KCNIP4: variants seen among roughly 807,000 people sequenced by gnomAD.
KCNIP4 encodes the protein Kv channel-interacting protein 4.
KCNIP4 carries 12 observed loss-of-function variants against 34.0 expected under a neutral mutation model. The observed-to-expected ratio is 0.35, with a 90% confidence interval of 0.23 to 0.57. The LOEUF is 0.57. Among genes scored for constraint, KCNIP4 ranks in the 20% least tolerant of loss-of-function variants. The pLI, the probability that KCNIP4 is intolerant of heterozygous loss-of-function variation, is 0.83. For missense variants in KCNIP4, 238 were observed against 311.7 expected (o/e 0.76, Z 1.78); for synonymous variants, 124 against 102.2 (o/e 1.21, Z -1.29).
intron 1 of KCNIP4, among the ~76,000 whole-genome samples, chr4:21,098,210 T>A (rs970064504): frequency 6.6e-6 from 1 of 152,160 alleles, no homozygotes; most frequent in Non-Finnish European, 1.5e-5. Context: ...GTTGTCTCCA[T>A]AATATAAGAA....
At chr4:21,372,399 TAGAC>T (rs1451225233) in intron 1 of KCNIP4, among the ~76,000 whole-genome samples, 1 of 147,308 alleles carries the variant, frequency 6.8e-6, no homozygotes, top group East Asian at 2.0e-4. Flanking sequence ...GATAGTTAGA[TAGAC>T]AGACAGACAG....
At chr4:21,250,185 C>A (rs1312395707) in intron 1 of KCNIP4, among the ~76,000 whole-genome samples, 1 of 138,296 alleles carries the variant, frequency 7.2e-6, no homozygotes, top group Admixed American at 7.4e-5. Flanking sequence ...AGTATCCAGA[C>A]AACTACACTC....
At chr4:21,835,836 A>T (rs1723284924) in intron 1 of KCNIP4, among the ~76,000 whole-genome samples, 1 of 152,202 alleles carries the variant, frequency 6.6e-6, no homozygotes, top group Non-Finnish European at 1.5e-5. Flanking sequence ...TTGATTCAAT[A>T]CAGTTTAACA....
At chr4:21,646,429 G>C (rs1225897832) in intron 1 of KCNIP4, among the ~76,000 whole-genome samples, 1 of 152,132 alleles carries the variant, frequency 6.6e-6, no homozygotes, top group Non-Finnish European at 1.5e-5. Flanking sequence ...TTGGTATAAA[G>C]AGTAAGAAGA....
chr4:20,818,445 A>G (rs753833854), intron 3 of KCNIP4, among the ~76,000 whole-genome samples: 4 of 152,224 alleles, frequency 2.6e-5, no homozygotes, highest in Non-Finnish European at 5.9e-5. Context: ...TTTCAGAAGC[A>G]GCCGACTCTA....
intron 1 of KCNIP4, among the ~76,000 whole-genome samples, chr4:21,471,551 A>G (rs1022467273): frequency 6.6e-6 from 1 of 152,168 alleles, no homozygotes; most frequent in Non-Finnish European, 1.5e-5. Flanking sequence ...GTTTCCTGAA[A>G]TTTACATTTT....
intron 1 of KCNIP4, among the ~76,000 whole-genome samples, chr4:21,585,662 G>A (rs184894783): frequency 1.5e-4 from 23 of 151,962 alleles, no homozygotes; most frequent in African/African-American, 4.8e-4. Context: ...AGCATTGCCC[G>A]CAAAAACAAT....
intron 3 of KCNIP4, among the ~76,000 whole-genome samples, chr4:20,836,303 C>T (rs936928063): frequency 4.6e-5 from 7 of 152,276 alleles, no homozygotes; most frequent in African/African-American, 1.4e-4. Context: ...AGGGCTTTTG[C>T]GCTTGCTGTG....
At chr4:21,327,835 G>A (rs1437141320) in intron 1 of KCNIP4, among the ~76,000 whole-genome samples, 1 of 151,878 alleles carries the variant, frequency 6.6e-6, no homozygotes, top group Non-Finnish European at 1.5e-5. Context: ...CTGCTGTTAA[G>A]AAAGTCTGAT....
At chr4:20,785,226 G>A (rs1285844245) in intron 3 of KCNIP4, among the ~76,000 whole-genome samples, 1 of 151,864 alleles carries the variant, frequency 6.6e-6, no homozygotes, top group African/African-American at 2.4e-5. Context: ...AGGCTGGACT[G>A]GTAGGTAGGA....
chr4:21,312,744 A>G (rs1261418724), intron 1 of KCNIP4, among the ~76,000 whole-genome samples: 5 of 152,150 alleles, frequency 3.3e-5, no homozygotes, highest in Admixed American at 3.3e-4. Flanking sequence ...TCTCTCATCA[A>G]TGAGCTTTAG....
chr4:21,407,547 T>C (rs1003749051), intron 1 of KCNIP4, among the ~76,000 whole-genome samples: 1 of 152,164 alleles, frequency 6.6e-6, no homozygotes, highest in Non-Finnish European at 1.5e-5. Context: ...AATCAATGAA[T>C]AAATAAACAT....
At chr4:21,834,641 T>C (rs2109310454) in intron 1 of KCNIP4, among the ~76,000 whole-genome samples, 1 of 152,280 alleles carries the variant, frequency 6.6e-6, no homozygotes, top group East Asian at 1.9e-4. Flanking sequence ...TGAATAGGAC[T>C]GGTGAGAGAG....
chr4:20,778,772 T>C (rs1756594649), intron 3 of KCNIP4, among the ~76,000 whole-genome samples: 1 of 152,138 alleles, frequency 6.6e-6, no homozygotes, highest in African/African-American at 2.4e-5. Context: ...TAAATGCAGA[T>C]GAGGGGTTAT....
At chr4:20,824,857 T>C (rs1265320997) in intron 3 of KCNIP4, among the ~76,000 whole-genome samples, 10 of 152,168 alleles carry the variant, frequency 6.6e-5, no homozygotes, top group African/African-American at 2.4e-4. Flanking sequence ...ATACATATCC[T>C]AGATAACCCA....
intron 3 of KCNIP4, among the ~76,000 whole-genome samples, chr4:20,776,433 T>G (rs1475913248): frequency 6.6e-6 from 1 of 152,142 alleles, no homozygotes; most frequent in African/African-American, 2.4e-5. Flanking sequence ...AGATGAGAAG[T>G]CTGGGGTGGT....
intron 2 of KCNIP4, among the ~76,000 whole-genome samples, chr4:20,859,368 A>T (rs1230512947): frequency 6.6e-6 from 1 of 152,216 alleles, no homozygotes; most frequent in Non-Finnish European, 1.5e-5. Flanking sequence ...GGTATCTTGC[A>T]GAAGAGCCAA....
At chr4:21,015,157 G>C (rs1006878193) in intron 1 of KCNIP4, among the ~76,000 whole-genome samples, 1 of 151,456 alleles carries the variant, frequency 6.6e-6, no homozygotes, top group African/African-American at 2.4e-5. Flanking sequence ...GTGTTTAATG[G>C]GTAGAGCTTC....
At chr4:21,227,939 G>C (rs1041455799) in intron 1 of KCNIP4, among the ~76,000 whole-genome samples, 1 of 152,038 alleles carries the variant, frequency 6.6e-6, no homozygotes, top group Admixed American at 6.6e-5. Context: ...GATCAGTTTT[G>C]TTCCTTATTT....
Sources: gnomAD v4.1 joint callset for allele counts (sites outside exome capture counted in the v4.1 genomes callset) on GRCh38, gnomAD v4.1.1 for gene constraint, MANE v1.5 for transcripts, NCBI Gene and HGNC (gene_info 2026-07-23, HGNC 2026-07-21) for gene names.